Variants in HECA observed in about 807,000 individuals in gnomAD.
HECA encodes the protein HECA ribonucleoprotein granule regulator, also known as headcase protein homolog.
Under a neutral mutation model 37.6 loss-of-function variants are expected in HECA, and 13 were observed. That is an observed-to-expected ratio of 0.35 (90% CI 0.23 to 0.55). The LOEUF is 0.55. HECA is among the 20% of genes least tolerant of loss of function. HECA has a pLI of 0.90. For missense variants in HECA, 527 were observed against 701.9 expected, an observed-to-expected ratio of 0.75 and a Z score of 2.82; for synonymous variants, 307 against 291.5, an observed-to-expected ratio of 1.05 and a Z score of -0.54.
chr6:139,148,721 A>G (rs1207618029), intron 1 of HECA, among the ~76,000 whole-genome samples: 7 of 152,014 alleles, frequency 4.6e-5, no homozygotes, highest in Non-Finnish European at 1.5e-5. Flanking sequence ...AGCTGAGATC[A>G]TGCCTCTAAA....
intron 1 of HECA, among the ~76,000 whole-genome samples, chr6:139,165,703 C>G (rs1465539183): frequency 2.0e-5 from 3 of 151,970 alleles, no homozygotes; most frequent in African/African-American, 7.3e-5. Context: ...GTTCCCATAT[C>G]CATGAATCAT....
intron 1 of HECA, among the ~76,000 whole-genome samples, chr6:139,145,418 C>T (rs1040111046): frequency 6.6e-6 from 1 of 152,026 alleles, no homozygotes; most frequent in Admixed American, 6.5e-5. Context: ...AAGAAAGATA[C>T]TAAGAGGAAG....
chr6:139,136,213 C>T (rs1171873726), intron 1 of HECA, among the ~76,000 whole-genome samples: 1 of 146,576 alleles, frequency 6.8e-6, no homozygotes, highest in African/African-American at 2.5e-5. Context: ...AATTTTTTGG[C>T]TTGCTTGAGG....
chr6:139,158,877 C>T (rs142045683), intron 1 of HECA, among the ~76,000 whole-genome samples: 86 of 152,056 alleles, frequency 5.7e-4, no homozygotes, highest in African/African-American at 2.1e-3. Context: ...AGTTCAAGAC[C>T]AGCCTGACCA....
Position 139,166,973 on chromosome 6 carries a change from C to G in HECA, c.961C>G (p.His321Asp). 6.2e-7 allele frequency: 1 copy of G among 1,614,204 alleles called. No individual in the cohort carries two copies. The highest frequency in any genetic ancestry group is 2.2e-5 in the East Asian group (1 of 44,870). The change falls in exon 2 of 4, where the codon CAC (histidine) becomes GAC (aspartate). Residue 321 changes from histidine (H) to aspartate (D), a missense_variant. His to Asp is a moderately conservative substitution (Grantham distance 81). This residue lies in a region of HECA where 228 missense variants were observed against 259.8 expected (regional missense o/e 0.88). Transcript: ENST00000367658. ...TGGGGGCCATGTGTTCAGAAATGCC[C>G]ACTTTGATTACAGCCCTGCGGGGTT... ...MAGGHVFRNAHFDYSPAGLAV... is the reference protein window; with the variant it reads ...MAGGHVFRNADFDYSPAGLAV...
intron 2 of HECA, among the ~76,000 whole-genome samples, chr6:139,173,473 T>C (rs1388342537): frequency 6.6e-6 from 1 of 152,170 alleles, no homozygotes; most frequent in East Asian, 1.9e-4. Context: ...GGTTGATCCT[T>C]ACTACTGAGT....
rs1309038787 is a variant in HECA, at chr6:139,180,254, TTAGG to T, written c.*3152_*3155del. ...ATTAACTCATCTAAAAAGAATCTTA[TTAGG>T]TATTTGAACTCTAAAACTAACAGAT... On this transcript the variant is annotated 3_prime_UTR_variant, in exon 4 of 4. Transcript: ENST00000367658. 1 of 152,310 alleles carries T rather than the reference TTAGG, an allele frequency of 6.6e-6. No individual in the cohort carries two copies. Among genetic ancestry groups the T allele is most frequent in the Admixed American group, 6.5e-5 (1 of 15,280 alleles). 9.4% of individuals were successfully genotyped at this position (152,310 alleles called of 1,614,324 possible).
intron 1 of HECA, among the ~76,000 whole-genome samples, chr6:139,136,641 GT>G (rs71015633): frequency 1.5e-3 from 214 of 142,380 alleles, no homozygotes; most frequent in African/African-American, 3.7e-3. Flanking sequence ...TTTTTGTTTT[GT>G]TTTTTTTTTT....
chr6:139,156,072 T>A (rs751727248), intron 1 of HECA, among the ~76,000 whole-genome samples: 7 of 152,082 alleles, frequency 4.6e-5, no homozygotes, highest in Non-Finnish European at 7.4e-5. Flanking sequence ...TATTTTCTTA[T>A]AAACAAATAC....
rs570585997 is a variant in HECA, at chr6:139,166,890, A to T, written c.878A>T (p.Tyr293Phe). Residue 293 changes from tyrosine to phenylalanine, a missense_variant, in exon 2 of 4, where the codon TAC becomes TTC. By Grantham distance (22) the Tyr-to-Phe change is conservative (BLOSUM62 3). Around this residue, in one of 4 missense-constraint regions of HECA, gnomAD observed 228 missense variants for 259.8 expected, o/e 0.88. Transcript: ENST00000367658. The stretch of plus-strand genomic sequence containing the variant: ...TTCAGCGGCCCCCGCTCCTCCAGAT[A>T]CCTCGGGGAGTTCTTAAAGAACGCC... ...AHFSGPRSSR[Y>F]LGEFLKNAIH... 6.2e-7 allele frequency: 1 copy of T among 1,613,820 alleles called. No individual in the cohort carries two copies. The highest frequency in any genetic ancestry group is 1.1e-5 in the South Asian group (1 of 91,076).
chr6:139,153,688 G>A lies in HECA; in HGVS notation c.272-12596G>A, dbSNP rs574105638. Among the ~76,000 whole-genome samples, 4 of 151,924 alleles carry A rather than the reference G, an allele frequency of 2.6e-5. No individual in the cohort carries two copies. In the South Asian group the frequency reaches 8.3e-4, roughly 32 times the overall value. On this transcript the variant is annotated intron_variant, in intron 1 of 3. Coordinates refer to ENST00000367658, the MANE Select transcript of HECA (RefSeq NM_016217.3). ...CCCGCCTCAGCCTCCCAAAGTGCTGGGATTACAGGTGGGAGCCACCGCACC... is the reference window on the plus strand; with the variant it reads ...CCCGCCTCAGCCTCCCAAAGTGCTGAGATTACAGGTGGGAGCCACCGCACC...
At chr6:139,165,118 A>C (rs1383616495) in intron 1 of HECA, among the ~76,000 whole-genome samples, 1 of 152,214 alleles carries the variant, frequency 6.6e-6, no homozygotes, top group Non-Finnish European at 1.5e-5. Context: ...TCTATAAGGT[A>C]GCTACTACAA....
intron 1 of HECA, among the ~76,000 whole-genome samples, chr6:139,151,520 G>C (rs1274600959): frequency 6.6e-6 from 1 of 152,148 alleles, no homozygotes; most frequent in East Asian, 1.9e-4. Context: ...TCCATACTGA[G>C]AGAATGGTGT....
intron 1 of HECA, among the ~76,000 whole-genome samples, chr6:139,144,796 A>G (rs144950510): frequency 1.3e-5 from 2 of 152,344 alleles, no homozygotes; most frequent in East Asian, 3.9e-4. Context: ...AGCAGAGGGC[A>G]CATGGCACAT....
intron 1 of HECA, among the ~76,000 whole-genome samples, chr6:139,142,413 T>C (rs145505010): frequency 4.9e-4 from 74 of 152,272 alleles, no homozygotes; most frequent in Non-Finnish European, 8.4e-4. Context: ...TGCTGACAGA[T>C]TGCCCTATTG....
chr6:139,175,695 C>T (rs1393041815), intron 3 of HECA, among the ~76,000 whole-genome samples: 1 of 152,202 alleles, frequency 6.6e-6, no homozygotes, highest in Non-Finnish European at 1.5e-5. Flanking sequence ...CCCAGGTCTA[C>T]ATACATTGTG....
At chr6:139,138,880 A>G (rs911379625) in intron 1 of HECA, among the ~76,000 whole-genome samples, 7 of 152,252 alleles carry the variant, frequency 4.6e-5, no homozygotes, top group African/African-American at 1.2e-4. Context: ...CTGTCTGCAC[A>G]TACCATTTGC....
At chr6:139,159,539 C>T (rs1774767210) in intron 1 of HECA, among the ~76,000 whole-genome samples, 1 of 152,012 alleles carries the variant, frequency 6.6e-6, no homozygotes, top group African/African-American at 2.4e-5. Context: ...GGGTGAGGGC[C>T]AGGCTCTGTC....
intron 1 of HECA, chr6:139,151,328 G>A (rs1179156820): frequency 2.6e-5 from 4 of 152,128 alleles, no homozygotes; most frequent in African/African-American, 9.7e-5. Flanking sequence ...GTATGGATAG[G>A]GTAAAGAAGT....
Sources: allele counts gnomAD v4.1 joint callset (sites outside exome capture counted in the v4.1 genomes callset), GRCh38; gene constraint gnomAD v4.1.1; regional missense constraint gnomAD v4.1.1; transcripts MANE v1.5; gene names NCBI Gene and HGNC (gene_info 2026-07-23, HGNC 2026-07-21).